Variants in GSE1 observed in about 807,000 individuals in gnomAD.
GSE1 encodes the protein genetic suppressor element 1.
Under a neutral mutation model 112.6 loss-of-function variants are expected in GSE1, and 32 were observed. The observed-to-expected ratio is 0.28, with a 90% CI of 0.21 to 0.38. The LOEUF is 0.38. Among genes scored for constraint, GSE1 ranks in the 10% least tolerant of loss-of-function variants. The probability of loss-of-function intolerance (pLI) is 1.00; values close to 1 mark genes in which losing one functional copy is unlikely to be tolerated. For synonymous variants in GSE1, 1,115 were observed against 735.6 expected, an observed-to-expected ratio of 1.52 and a Z score of -8.35; for missense variants, 2,348 against 1,699.2, an observed-to-expected ratio of 1.38 and a Z score of -6.71.
chr16:85,471,291 C>T (rs2050287931), intron 2 of GSE1, among the ~76,000 whole-genome samples: 1 of 152,204 alleles, frequency 6.6e-6, no homozygotes, highest in African/African-American at 2.4e-5. Context: ...CACCTTATTT[C>T]ATGTGAGGAT....
intron 2 of GSE1, among the ~76,000 whole-genome samples, chr16:85,542,627 GCTAA>G (rs1417471043): frequency 6.6e-6 from 1 of 152,274 alleles, no homozygotes; most frequent in African/African-American, 2.4e-5. Flanking sequence ...GACTGTGACT[GCTAA>G]CTAAGAGTGC....
At chr16:85,591,111 TACAG>T (rs1297590676) in intron 1 of GSE1, among the ~76,000 whole-genome samples, 1 of 152,192 alleles carries the variant, frequency 6.6e-6, no homozygotes, top group African/African-American at 2.4e-5. Context: ...CATCGGGACT[TACAG>T]ACCCCCTGAC....
chr16:85,462,591 G>T (rs1240026781), intron 2 of GSE1, among the ~76,000 whole-genome samples: 1 of 151,376 alleles, frequency 6.6e-6, no homozygotes, highest in Non-Finnish European at 1.5e-5. Context: ...TAGCAGCGGC[G>T]GGGAGAGGTC....
intron 2 of GSE1, among the ~76,000 whole-genome samples, chr16:85,422,796 A>G (rs1396832496): frequency 6.6e-6 from 1 of 151,794 alleles, no homozygotes; most frequent in African/African-American, 2.4e-5. Flanking sequence ...CTGGGTTTGG[A>G]CTCAGCAGAC....
intron 1 of GSE1, among the ~76,000 whole-genome samples, chr16:85,247,442 G>T (rs191189922): frequency 2.6e-5 from 4 of 152,338 alleles, no homozygotes; most frequent in South Asian, 2.1e-4. Flanking sequence ...GCTCCAGAAG[G>T]CAGTGGCTGC....
At chr16:85,505,965 CA>C (rs75845915) in intron 2 of GSE1, among the ~76,000 whole-genome samples, 1,575 of 131,876 alleles carry the variant, frequency 0.012, 16 homozygotes, top group African/African-American at 0.03. Context: ...ACCCTGTCTC[CA>C]AAAAAAAAAA....
At chr16:85,472,939 G>A (rs530271169) in intron 2 of GSE1, among the ~76,000 whole-genome samples, 24 of 152,224 alleles carry the variant, frequency 1.6e-4, no homozygotes, top group Non-Finnish European at 2.8e-4. Flanking sequence ...CACTCTATGT[G>A]TGTCTGCAGA....
chr16:85,339,356 C>T (rs1379659380), intron 1 of GSE1, among the ~76,000 whole-genome samples: 1 of 152,158 alleles, frequency 6.6e-6, no homozygotes, highest in Non-Finnish European at 1.5e-5. Context: ...GCTGTGCTCG[C>T]TCCAGCCGTG....
intron 2 of GSE1, among the ~76,000 whole-genome samples, chr16:85,484,199 C>T (rs2050765593): frequency 6.6e-6 from 1 of 152,172 alleles, no homozygotes; most frequent in Non-Finnish European, 1.5e-5. Context: ...GGACGGTGAG[C>T]AAGACGTGGC....
chr16:85,221,183 G>T (rs1200603467), intron 1 of GSE1, among the ~76,000 whole-genome samples: 1 of 151,988 alleles, frequency 6.6e-6, no homozygotes, highest in African/African-American at 2.4e-5. Flanking sequence ...TCACAGGGTC[G>T]GCATCTGCAG....
intron 1 of GSE1, among the ~76,000 whole-genome samples, chr16:85,217,482 C>A (rs924694916): frequency 1.3e-5 from 2 of 152,224 alleles, no homozygotes; most frequent in Admixed American, 6.5e-5. Flanking sequence ...GCCAGCGGCT[C>A]CTCCATTCTC....
intron 1 of GSE1, among the ~76,000 whole-genome samples, chr16:85,292,167 G>C (rs1394446509): frequency 6.6e-6 from 1 of 151,034 alleles, no homozygotes; most frequent in Non-Finnish European, 1.5e-5. Context: ...TTGAGGCAGG[G>C]TCTCACTGTC....
chr16:85,659,119 T>A (rs959068953), intron 8 of GSE1, among the ~76,000 whole-genome samples: 5 of 152,236 alleles, frequency 3.3e-5, no homozygotes, highest in Non-Finnish European at 7.3e-5. Context: ...AGCTTCTTCC[T>A]GTGGTTCCCT....
intron 1 of GSE1, among the ~76,000 whole-genome samples, chr16:85,299,341 G>T (rs532225328): frequency 1.2e-4 from 19 of 152,326 alleles, no homozygotes; most frequent in African/African-American, 4.3e-4. Context: ...GCTAGTGGTG[G>T]CAGAGCCAGG....
At chr16:85,614,340 A>G (rs994386918) in intron 1 of GSE1, among the ~76,000 whole-genome samples, 1 of 151,864 alleles carries the variant, frequency 6.6e-6, no homozygotes, top group Non-Finnish European at 1.5e-5. Flanking sequence ...CCGCCTCTCT[A>G]GCAGGCTAAT....
chr16:85,668,256 C>G lies in GSE1; in HGVS notation c.3247C>G (p.Gln1083Glu). Residue 1083 changes from glutamine (Q) to glutamate (E), a missense_variant, in exon 14 of 16, where the codon CAG becomes GAG. Gln to Glu is a conservative substitution (Grantham distance 29). Coordinates refer to ENST00000253458, the MANE Select transcript of GSE1 (RefSeq NM_014615.5). ...CCCTCCACCCCAGCACAATGGGCAG[C>G]AGGAGCCCCCCACTGCAAGGAAGGG... is the stretch of plus-strand genomic sequence containing the variant. ...RAPPPQHNGQ[Q>E]EPPTARKGPP... is the part of the protein sequence containing the mutation. 1 of 1,611,196 alleles carries G rather than the reference C, an allele frequency of 6.2e-7. No homozygotes were observed. Among genetic ancestry groups the G allele is most frequent in the South Asian group, 1.1e-5 (1 of 91,026 alleles).
rs111348271 is a variant in GSE1 at position 85,337,142 on chromosome 16, C to T, written c.2284-20321C>T. ...CCTGCTGTTGCTGTCTCTTCTCACC[C>T]GCCACTGTGTCCCCCATCACACCAG... On this transcript the variant is annotated intron_variant, in intron 1 of 2. Transcript: ENST00000637419. Among the ~76,000 whole-genome samples, 1,083 of 152,324 alleles carry T rather than the reference C, an allele frequency of 7.1e-3. 17 individuals carry two copies. The highest frequency in any genetic ancestry group is 0.025 in the African/African-American group (1,049 of 41,570).
chr16:85,358,649 C>A (rs1045355970), intron 2 of GSE1, among the ~76,000 whole-genome samples: 1 of 152,208 alleles, frequency 6.6e-6, no homozygotes, highest in Non-Finnish European at 1.5e-5. Flanking sequence ...GCAGGGCAAC[C>A]CCAATACCGA....
intron 1 of GSE1, among the ~76,000 whole-genome samples, chr16:85,251,753 G>A (rs1906509787): frequency 6.6e-6 from 1 of 152,224 alleles, no homozygotes; most frequent in Non-Finnish European, 1.5e-5. Context: ...TTTCCCAGGT[G>A]ATTCTGCATC....
Sources: allele counts gnomAD v4.1 joint callset (sites outside exome capture counted in the v4.1 genomes callset), GRCh38; gene constraint gnomAD v4.1.1; transcripts MANE v1.5; gene names NCBI Gene and HGNC (gene_info 2026-07-23, HGNC 2026-07-21).